The following SOX6 variants were observed in gnomAD, a reference collection of about 807,000 sequenced individuals.
SOX6 encodes SRY-box transcription factor 6.
Under a neutral mutation model 97.8 loss-of-function variants are expected in SOX6, and 11 were observed. That is an observed-to-expected ratio of 0.11 (90% CI 0.07 to 0.19). SOX6 has a LOEUF of 0.19. Ranked by LOEUF, SOX6 falls within the 10% of genes least tolerant of loss-of-function variation. SOX6 has a pLI of 1.00. For missense variants in SOX6, 810 were observed against 1,039.5 expected (o/e 0.78, Z 3.04); for synonymous variants, 360 against 371.4 (o/e 0.97, Z 0.35).
At chr11:16,085,525 A>AT (rs943255062) in intron 9 of SOX6, among the ~76,000 whole-genome samples, 1 of 152,088 alleles carries the variant, frequency 6.6e-6, no homozygotes, top group African/African-American at 2.4e-5. Flanking sequence ...GTACTTTCCA[A>AT]TTTTTTTAGA....
intron 4 of SOX6, among the ~76,000 whole-genome samples, chr11:16,604,872 T>C (rs887228190): frequency 6.6e-6 from 1 of 152,164 alleles, no homozygotes; most frequent in Non-Finnish European, 1.5e-5. Context: ...TTTTATCTGC[T>C]CCGAACACAC....
chr11:16,057,747 A>G (rs1847854585), intron 9 of SOX6, among the ~76,000 whole-genome samples: 1 of 152,156 alleles, frequency 6.6e-6, no homozygotes, highest in African/African-American at 2.4e-5. Flanking sequence ...CTTCTCACTT[A>G]GTTGTAGTTT....
chr11:16,726,864 T>C lies in SOX6; in HGVS notation n.353+9475A>G, dbSNP rs541195728. Among the ~76,000 whole-genome samples, 13 of 152,346 alleles carry C rather than the reference T, an allele frequency of 8.5e-5. No individual in the cohort carries two copies. The South Asian group carries it at 2.5e-3, about 29-fold the overall frequency. ...GACTAGAAGGAATTATGCTTAGATA[T>C]TAACCGTGATAACCTCAGAACTATG... On this transcript the variant is annotated intron_variant and non_coding_transcript_variant, in intron 2 of 5. Transcript: ENST00000524520.
At chr11:16,675,443 A>G (rs1847877473) in intron 3 of SOX6, among the ~76,000 whole-genome samples, 1 of 152,212 alleles carries the variant, frequency 6.6e-6, no homozygotes, top group Admixed American at 6.5e-5. Flanking sequence ...GAGCCACCAC[A>G]TCCAGCCATA....
chr11:16,439,334 T>C (rs1859453158), intron 1 of SOX6, among the ~76,000 whole-genome samples: 2 of 152,188 alleles, frequency 1.3e-5, no homozygotes, highest in South Asian at 2.1e-4. Context: ...TATCTTCTAT[T>C]TTAAGTAGAA....
intron 12 of SOX6, among the ~76,000 whole-genome samples, chr11:16,021,480 T>C (rs753976418): frequency 2.0e-5 from 3 of 152,152 alleles, no homozygotes; most frequent in Non-Finnish European, 4.4e-5. Flanking sequence ...TGATCAAAAA[T>C]GTAGGCTTTA....
intron 9 of SOX6, among the ~76,000 whole-genome samples, chr11:16,079,723 A>G (rs531073383): frequency 1.8e-3 from 270 of 152,230 alleles, no homozygotes; most frequent in African/African-American, 6.3e-3. Flanking sequence ...AATTAAAAAA[A>G]ATGTTTTACC....
chr11:16,150,872 C>T lies in SOX6; in HGVS notation c.777+33014G>A, dbSNP rs1055804533. On this transcript the variant is annotated intron_variant, in intron 6 of 15. Transcript: ENST00000683767. ...ACATTCTATAACTAATTAAATTGAT[C>T]CCTGGGAAGCAAAAGCCACTAAATG... Among the ~76,000 whole-genome samples the T allele has an allele frequency of 1.1e-4, 16 of 152,064 alleles. 1 individual carries two copies. Among genetic ancestry groups the T allele is most frequent in the Non-Finnish European group, 4.4e-5 (3 of 68,002 alleles).
At chr11:16,636,707 T>C (rs1200675911) in intron 3 of SOX6, among the ~76,000 whole-genome samples, 2 of 152,170 alleles carry the variant, frequency 1.3e-5, no homozygotes, top group African/African-American at 4.8e-5. Context: ...GGGAGGGACC[T>C]GGTGGGAGGC....
chr11:16,104,361 G>A (rs1849021514), intron 7 of SOX6, among the ~76,000 whole-genome samples: 1 of 151,910 alleles, frequency 6.6e-6, no homozygotes, highest in Non-Finnish European at 1.5e-5. Flanking sequence ...ACTGAGAAAA[G>A]GTCAGATTTT....
chr11:16,502,127 C>A (rs1860718588), intron 4 of SOX6, among the ~76,000 whole-genome samples: 1 of 152,138 alleles, frequency 6.6e-6, no homozygotes, highest in South Asian at 2.1e-4. Context: ...GAATACTATG[C>A]AGCCATAAAA....
At chr11:16,039,888 C>T (rs1855613523) in intron 12 of SOX6, among the ~76,000 whole-genome samples, 2 of 151,492 alleles carry the variant, frequency 1.3e-5, no homozygotes, top group Admixed American at 6.6e-5. Flanking sequence ...TGTAAAAGGC[C>T]CCTGAGACCA....
intron 4 of SOX6, among the ~76,000 whole-genome samples, chr11:16,213,748 ATTTC>A (rs1386374182): frequency 6.6e-6 from 1 of 152,196 alleles, no homozygotes; most frequent in Non-Finnish European, 1.5e-5. Context: ...AAAAGTCTGT[ATTTC>A]TTGCAACAAT....
At chr11:16,363,795 T>A (rs949696846) in intron 1 of SOX6, among the ~76,000 whole-genome samples, 22 of 135,138 alleles carry the variant, frequency 1.6e-4, no homozygotes, top group African/African-American at 5.2e-4. Context: ...TTGAATGAGC[T>A]TAAAGATAAA....
intron 9 of SOX6, among the ~76,000 whole-genome samples, chr11:16,088,283 C>T (rs111479055): frequency 4.6e-5 from 7 of 152,112 alleles, no homozygotes; most frequent in Non-Finnish European, 7.3e-5. Context: ...GATGAGCCTA[C>T]ATTGACACAT....
At chr11:16,184,225 G>T (rs955838737) in intron 5 of SOX6, among the ~76,000 whole-genome samples, 1 of 152,020 alleles carries the variant, frequency 6.6e-6, no homozygotes, top group South Asian at 2.1e-4. Context: ...GGAAATCATG[G>T]GATTTTAGAA....
intron 3 of SOX6, among the ~76,000 whole-genome samples, chr11:16,637,120 C>T (rs1347826254): frequency 6.6e-6 from 1 of 152,122 alleles, no homozygotes; most frequent in Non-Finnish European, 1.5e-5. Context: ...TTCTTGATCT[C>T]TACTGTTTCT....
intron 3 of SOX6, among the ~76,000 whole-genome samples, chr11:16,706,644 T>C (rs370654923): frequency 3.4e-5 from 5 of 148,102 alleles, no homozygotes; most frequent in South Asian, 2.2e-4. Context: ...AGCTAAGATA[T>C]AGGGGGTAGG....
chr11:16,010,815 A>C (rs150283386), intron 13 of SOX6, among the ~76,000 whole-genome samples: 302 of 152,020 alleles, frequency 2.0e-3, no homozygotes, highest in African/African-American at 6.8e-3. Context: ...ACAACCTCTA[A>C]GCCATTACTC....
Sources: allele counts gnomAD v4.1 joint callset (sites outside exome capture counted in the v4.1 genomes callset), GRCh38; gene constraint gnomAD v4.1.1; transcripts MANE v1.5; gene names NCBI Gene and HGNC (gene_info 2026-07-23, HGNC 2026-07-21).